The following PDZRN4 variants were observed in gnomAD, a reference collection of about 807,000 sequenced individuals.
The protein encoded by PDZRN4 is PDZ domain containing ring finger 4.
PDZRN4 carries 70 observed loss-of-function variants against 99.0 expected under a neutral mutation model. The ratio of observed to expected loss-of-function variants is 0.71; its 90% confidence interval spans 0.58 to 0.86. The LOEUF is 0.86. Ranked by LOEUF, PDZRN4 falls within the 40% of genes least tolerant of loss-of-function variation. PDZRN4 has a pLI of 0.00. For synonymous variants in PDZRN4, 551 were observed against 501.6 expected (o/e 1.10, Z -1.32); for missense variants, 1,474 against 1,331.2 (o/e 1.11, Z -1.67).
chr12:41,365,670 G>A (rs573947510), intron 3 of PDZRN4, among the ~76,000 whole-genome samples: 5 of 152,090 alleles, frequency 3.3e-5, no homozygotes, highest in East Asian at 1.9e-4. Flanking sequence ...CTTTGAGCCC[G>A]AATCAGTCTC....
chr12:41,395,608 T>G (rs1952240786), intron 3 of PDZRN4, among the ~76,000 whole-genome samples: 1 of 152,200 alleles, frequency 6.6e-6, no homozygotes. Flanking sequence ...GTGTATACAT[T>G]TATAATTCTT....
intron 3 of PDZRN4, among the ~76,000 whole-genome samples, chr12:41,366,062 T>G (rs900555178): frequency 2.0e-5 from 3 of 152,116 alleles, no homozygotes; most frequent in Non-Finnish European, 4.4e-5. Context: ...CCACCACAGA[T>G]TGCTAATACT....
At chr12:41,201,360 T>A (rs970878614) in intron 3 of PDZRN4, among the ~76,000 whole-genome samples, 3 of 152,108 alleles carry the variant, frequency 2.0e-5, no homozygotes, top group African/African-American at 7.2e-5. Context: ...AGCAATACTA[T>A]CTTTTCTTCT....
chr12:41,485,677 C>T (rs545543042), intron 3 of PDZRN4, among the ~76,000 whole-genome samples: 1 of 152,188 alleles, frequency 6.6e-6, no homozygotes, highest in East Asian at 1.9e-4. Context: ...ATTTAAAAAT[C>T]TATGATAATT....
chr12:41,278,455 A>G (rs1425245786), intron 3 of PDZRN4, among the ~76,000 whole-genome samples: 2 of 152,318 alleles, frequency 1.3e-5, no homozygotes, highest in East Asian at 3.9e-4. Flanking sequence ...TTTACAAAAG[A>G]TTACTTTGTG....
At chr12:41,454,559 G>A (rs985675873) in intron 3 of PDZRN4, among the ~76,000 whole-genome samples, 17 of 152,232 alleles carry the variant, frequency 1.1e-4, no homozygotes, top group African/African-American at 4.1e-4. Flanking sequence ...GGGGTCATTT[G>A]AGTGGTATGG....
intron 3 of PDZRN4, among the ~76,000 whole-genome samples, chr12:41,431,074 A>C (rs1290916256): frequency 1.1e-4 from 17 of 152,168 alleles, no homozygotes; most frequent in Non-Finnish European, 2.4e-4. Flanking sequence ...TGATCTAATC[A>C]CCTCGCACTA....
intron 5 of PDZRN4, among the ~76,000 whole-genome samples, chr12:41,546,118 G>A (rs746690830): frequency 2.0e-5 from 3 of 152,186 alleles, no homozygotes; most frequent in Non-Finnish European, 4.4e-5. Flanking sequence ...TGCAAATTGT[G>A]GTAATGAACG....
chr12:41,462,992 C>T (rs1358181300), intron 3 of PDZRN4, among the ~76,000 whole-genome samples: 2 of 152,242 alleles, frequency 1.3e-5, no homozygotes, highest in Non-Finnish European at 1.5e-5. Flanking sequence ...TTGCTTCTGT[C>T]CATGATAGGC....
In PDZRN4 at chr12:41,434,094, G is replaced by A. The variant is rs74078839; in HGVS notation, c.844-72362G>A. Among the ~76,000 whole-genome samples the A allele has an allele frequency of 3.9e-3, 597 of 152,256 alleles. 2 individuals are homozygous for A. Among genetic ancestry groups the A allele is most frequent in the African/African-American group, 0.014 (579 of 41,520 alleles). ...TTTATCAACCAAATGATATGTATAT[G>A]TGAAAATATAGAGTAATGACCTTTT... On this transcript the variant is annotated intron_variant, in intron 3 of 9. Transcript: ENST00000402685.
chr12:41,274,449 C>T (rs188343789), intron 3 of PDZRN4, among the ~76,000 whole-genome samples: 13 of 152,270 alleles, frequency 8.5e-5, no homozygotes, highest in Admixed American at 5.2e-4. Context: ...TTAGTGAACA[C>T]TTCCTAGTTT....
At chr12:41,375,982 G>A (rs147522335) in intron 3 of PDZRN4, among the ~76,000 whole-genome samples, 192 of 152,084 alleles carry the variant, frequency 1.3e-3, no homozygotes, top group African/African-American at 4.6e-3. Context: ...CATATAAGCA[G>A]GATTATACAT....
intron 3 of PDZRN4, among the ~76,000 whole-genome samples, chr12:41,198,092 A>AT: frequency 6.6e-6 from 1 of 150,970 alleles, no homozygotes; most frequent in Non-Finnish European, 1.5e-5. Context: ...TTTTTTAAAA[A>AT]TTTTCTGTAG....
intron 4 of PDZRN4, among the ~76,000 whole-genome samples, chr12:41,508,706 T>C (rs1016103100): frequency 3.3e-5 from 5 of 152,100 alleles, no homozygotes; most frequent in African/African-American, 9.7e-5. Context: ...ACTTTTACCA[T>C]TTTGGCCTAC....
At chr12:41,495,926 A>G (rs1937992263) in intron 3 of PDZRN4, among the ~76,000 whole-genome samples, 1 of 152,072 alleles carries the variant, frequency 6.6e-6, no homozygotes, top group South Asian at 2.1e-4. Flanking sequence ...TCACATCACA[A>G]TAGCACAGGC....
At chr12:41,454,316 G>A (rs191049275) in intron 3 of PDZRN4, among the ~76,000 whole-genome samples, 118 of 152,304 alleles carry the variant, frequency 7.7e-4, no homozygotes, top group African/African-American at 2.8e-3. Flanking sequence ...CTGAGATCAG[G>A]CTTCGGTCTC....
rs895291980 is a variant in PDZRN4, at chr12:41,463,482, C to CT, written c.844-42968dup. 1.1e-4 allele frequency among the ~76,000 whole-genome samples: 17 copies of CT among 151,986 alleles called. No individual in the cohort carries two copies. The South Asian group carries it at 2.1e-3, about 19-fold the overall frequency. On this transcript the variant is annotated intron_variant, in intron 3 of 9. Transcript: ENST00000402685. ...GAAAAAGAGAAGGAACCCTAAGACT[C>CT]TTTTTTCCCTCTACAGTATCTAGTA...
At chr12:41,487,075 T>C (rs575780499) in intron 3 of PDZRN4, among the ~76,000 whole-genome samples, 5 of 152,282 alleles carry the variant, frequency 3.3e-5, no homozygotes, top group Admixed American at 3.3e-4. Context: ...ATTTTTTTCA[T>C]AGCAGTTGAC....
At chr12:41,295,384 T>A (rs7953382) in intron 3 of PDZRN4, among the ~76,000 whole-genome samples, 86,701 of 151,922 alleles carry the variant, frequency 0.57, 26,855 homozygotes, top group East Asian at 0.71. Context: ...TATAAATTGA[T>A]TTAACTCAAA....
Sources: allele counts gnomAD v4.1 joint callset (sites outside exome capture counted in the v4.1 genomes callset), GRCh38; gene constraint gnomAD v4.1.1; transcripts MANE v1.5; gene names NCBI Gene and HGNC (gene_info 2026-07-23, HGNC 2026-07-21).